Variants in GRIP1 observed in about 807,000 individuals in gnomAD.
The protein encoded by GRIP1 is glutamate receptor interacting protein 1.
Under a neutral mutation model 129.9 loss-of-function variants are expected in GRIP1, and 45 were observed. That is an observed-to-expected ratio of 0.35 (90% CI 0.27 to 0.44). The LOEUF is 0.44. GRIP1 is among the 20% of genes least tolerant of loss of function. The pLI, the probability that GRIP1 is intolerant of heterozygous loss-of-function variation, is 1.00. For missense variants in GRIP1, 1,196 were observed against 1,396.8 expected (o/e 0.86, Z 2.29); for synonymous variants, 530 against 520.8 (o/e 1.02, Z -0.24).
At chr12:66,528,134 G>GTTTTTTTTTTTGTTTTTTTTTTTTT in intron 5 of GRIP1, among the ~76,000 whole-genome samples, 1 of 99,246 alleles carries the variant, frequency 1.0e-5, no homozygotes, top group East Asian at 3.6e-4. Context: ...GAATTAGTAG[G>GTTTTTTTTTTTGTTTTTTTTTTTTT]TTTTTTTTTT....
intron 7 of GRIP1, among the ~76,000 whole-genome samples, chr12:66,485,438 G>A (rs967797827): frequency 6.6e-6 from 1 of 150,822 alleles, no homozygotes; most frequent in Non-Finnish European, 1.5e-5. Context: ...AATTAAAATA[G>A]TTTTAAAAAC....
intron 14 of GRIP1, among the ~76,000 whole-genome samples, chr12:66,430,807 T>C (rs2058124873): frequency 6.6e-6 from 1 of 152,212 alleles, no homozygotes; most frequent in Non-Finnish European, 1.5e-5. Context: ...GCAGTGGTGA[T>C]AAAGCTTCTG....
intron 1 of GRIP1, among the ~76,000 whole-genome samples, chr12:67,013,926 C>A (rs897544256): frequency 6.6e-6 from 1 of 152,220 alleles, no homozygotes; most frequent in Non-Finnish European, 1.5e-5. Context: ...TTTGTCCAAT[C>A]AGCGCAAGCT....
intron 1 of GRIP1, among the ~76,000 whole-genome samples, chr12:66,734,467 GGTTTCTACA>G (rs1322648050): frequency 2.0e-4 from 31 of 152,180 alleles, no homozygotes; most frequent in Non-Finnish European, 3.7e-4. Context: ...TGAGAAATGT[GGTTTCTACA>G]GTAACAACAG....
chr12:66,821,794 C>T (rs985892350), intron 1 of GRIP1, among the ~76,000 whole-genome samples: 2 of 152,116 alleles, frequency 1.3e-5, no homozygotes, highest in South Asian at 4.2e-4. Context: ...GAGATTTGGA[C>T]TTTCATCAGA....
chr12:66,916,127 C>T (rs1295773466), intron 1 of GRIP1, among the ~76,000 whole-genome samples: 2 of 152,098 alleles, frequency 1.3e-5, no homozygotes, highest in African/African-American at 4.8e-5. Flanking sequence ...CCCACCTCTA[C>T]CCTAAATATA....
chr12:66,652,714 A>G (rs1334179647), intron 1 of GRIP1, among the ~76,000 whole-genome samples: 1 of 152,252 alleles, frequency 6.6e-6, no homozygotes, highest in Non-Finnish European at 1.5e-5. Context: ...CTGAGTGGCC[A>G]TGTCCCCATC....
chr12:66,852,014 T>A (rs563945938), intron 1 of GRIP1, among the ~76,000 whole-genome samples: 1 of 152,186 alleles, frequency 6.6e-6, no homozygotes, highest in East Asian at 1.9e-4. Flanking sequence ...TCATCCATTA[T>A]AGTTGTAATC....
intron 1 of GRIP1, among the ~76,000 whole-genome samples, chr12:67,025,868 A>G (rs925711302): frequency 1.3e-5 from 2 of 152,254 alleles, no homozygotes; most frequent in African/African-American, 4.8e-5. Context: ...ATTATCATGT[A>G]TAACAGTGCT....
intron 1 of GRIP1, among the ~76,000 whole-genome samples, chr12:66,747,278 T>G (rs549153607): frequency 6.6e-6 from 1 of 152,186 alleles, no homozygotes; most frequent in African/African-American, 2.4e-5. Context: ...ACTTAAAAAT[T>G]GAAAACTAAG....
rs576260471 is a variant in GRIP1 at position 66,713,866 on chromosome 12, G to A, written c.-419-83530C>T. ...ACCTAGCACATAGCCTGTATGCAGT[G>A]GATGGTCAGCAAACATTTACTAAAT... On this transcript the variant is annotated intron_variant, in intron 1 of 4. Transcript: ENST00000538373. Among the ~76,000 whole-genome samples, 3 of 152,020 alleles carry A rather than the reference G, an allele frequency of 2.0e-5. No individual in the cohort carries two copies. In the East Asian group the frequency reaches 5.8e-4, roughly 29 times the overall value.
At chr12:66,908,992 A>G (rs1283265771) in intron 1 of GRIP1, among the ~76,000 whole-genome samples, 2 of 152,202 alleles carry the variant, frequency 1.3e-5, no homozygotes, top group Non-Finnish European at 2.9e-5. Context: ...ACCCAGCACC[A>G]AACACCTCTT....
intron 1 of GRIP1, among the ~76,000 whole-genome samples, chr12:66,881,653 G>C (rs1273159457): frequency 6.6e-6 from 1 of 152,062 alleles, no homozygotes. Flanking sequence ...CAAAGGAGGG[G>C]GAAAGGGTCA....
chr12:66,354,963 G>A (rs150870826), intron 23 of GRIP1, among the ~76,000 whole-genome samples: 65 of 152,212 alleles, frequency 4.3e-4, no homozygotes, highest in Admixed American at 1.2e-3. Flanking sequence ...TTATGTACCC[G>A]CTCAAGGCCA....
At chr12:66,869,054 T>C (rs1046708950) in intron 1 of GRIP1, among the ~76,000 whole-genome samples, 1 of 152,122 alleles carries the variant, frequency 6.6e-6, no homozygotes, top group African/African-American at 2.4e-5. Flanking sequence ...ATAGAAACTC[T>C]GCATCTCTCG....
At chr12:66,611,243 T>C (rs1263768964) in intron 1 of GRIP1, among the ~76,000 whole-genome samples, 1 of 152,168 alleles carries the variant, frequency 6.6e-6, no homozygotes, top group Admixed American at 6.6e-5. Context: ...TGTCAGCATC[T>C]TCCCTCTAGG....
chr12:66,374,542 C>A (rs1592717487), intron 22 of GRIP1, among the ~76,000 whole-genome samples: 2 of 152,282 alleles, frequency 1.3e-5, no homozygotes, highest in East Asian at 3.9e-4. Flanking sequence ...GTTTTCTTGC[C>A]ATGCTGACCA....
intron 1 of GRIP1, among the ~76,000 whole-genome samples, chr12:66,602,028 C>T (rs1348858580): frequency 6.6e-6 from 1 of 152,078 alleles, no homozygotes; most frequent in African/African-American, 2.4e-5. Flanking sequence ...GGAGGTGAAG[C>T]ACAGGATGAG....
At chr12:66,928,304 C>G (rs1339620392) in intron 1 of GRIP1, among the ~76,000 whole-genome samples, 1 of 152,026 alleles carries the variant, frequency 6.6e-6, no homozygotes, top group Non-Finnish European at 1.5e-5. Flanking sequence ...CCTCTAAGAC[C>G]CAGTCGGAGA....
Sources: gnomAD v4.1 joint callset for allele counts (sites outside exome capture counted in the v4.1 genomes callset) on GRCh38, gnomAD v4.1.1 for gene constraint, MANE v1.5 for transcripts, NCBI Gene and HGNC (gene_info 2026-07-23, HGNC 2026-07-21) for gene names.